MLC1: variants seen among roughly 807,000 people sequenced by gnomAD.
MLC1 encodes modulator of VRAC current 1, also known as membrane protein MLC1.
MLC1 carries 32 observed loss-of-function variants against 44.7 expected under a neutral mutation model. That is an observed-to-expected ratio of 0.72 (90% CI 0.54 to 0.96). The LOEUF (loss-of-function observed/expected upper bound fraction) is 0.96. Ranked by LOEUF, MLC1 falls within the 40% of genes least tolerant of loss-of-function variation. MLC1 has a pLI of 0.00. For synonymous variants in MLC1, 190 were observed against 213.0 expected (o/e 0.89, Z 0.94); for missense variants, 459 against 492.2 (o/e 0.93, Z 0.64).
chr22:50,061,128 G>A lies in MLC1; in HGVS notation c.*455C>T, dbSNP rs543021038. The A allele has an allele frequency of 1.6e-4, 38 of 232,494 alleles. No individual in the cohort carries two copies. In the South Asian group the frequency reaches 2.2e-3, roughly 13 times the overall value. 14.4% of individuals were successfully genotyped at this position (232,494 alleles called of 1,614,324 possible). On this transcript the variant is annotated 3_prime_UTR_variant, in exon 12 of 12. Transcript: ENST00000311597. ...TGGGTAAGATCCCACTGGGCTGACT[G>A]AGTACCCGGGACAGACCCTAAGCGT...
intron 5 of MLC1, 46 bp downstream of exon 5, chr22:50,079,871 TG>T: frequency 7.6e-7 from 1 of 1,309,816 alleles, no homozygotes; most frequent in Non-Finnish European, 1.1e-6. Context: ...TTCGTGGGAG[TG>T]GGGCTGTGGG....
intron 9 of MLC1, among the ~76,000 whole-genome samples, chr22:50,069,667 A>G (rs2061802051): frequency 6.6e-6 from 1 of 151,962 alleles, no homozygotes. Context: ...ACCAAGAAAC[A>G]AAAAACATTT....
chr22:50,068,309 G>A, intron 10 of MLC1, 124 bp downstream of exon 10: 9 of 1,389,108 alleles, frequency 6.5e-6, no homozygotes, highest in Non-Finnish European at 9.0e-6. Context: ...AACAGCGGAG[G>A]AGGTGCCTCC....
chr22:50,068,725 C>CTTTTT (rs765426637), intron 9 of MLC1, among the ~76,000 whole-genome samples, 170 bp from the exon 10 acceptor site: 37 of 105,244 alleles, frequency 3.5e-4, no homozygotes, highest in South Asian at 6.9e-4. Flanking sequence ...TTTTCTTTTT[C>CTTTTT]TTTTTTTTTT....
intron 1 of MLC1, 79 bp downstream of exon 1, chr22:50,085,276 T>G: frequency 9.5e-7 from 1 of 1,056,558 alleles, no homozygotes; most frequent in Non-Finnish European, 1.2e-6. Flanking sequence ...CTCAAGCACG[T>G]TAAACTGCTC....
At chr22:50,067,306 C>A (rs1407827170) in intron 10 of MLC1, among the ~76,000 whole-genome samples, 2 of 151,086 alleles carry the variant, frequency 1.3e-5, no homozygotes, top group Non-Finnish European at 3.0e-5. Context: ...GACAGTGACT[C>A]CATCCCCCAT....
intron 10 of MLC1, among the ~76,000 whole-genome samples, chr22:50,066,478 A>G (rs5771346): frequency 0.12 from 18,601 of 152,232 alleles, 1,273 homozygotes; most frequent in South Asian, 0.23. Flanking sequence ...TGGCCAACAT[A>G]GTGAAACCCT....
intron 5 of MLC1, 25 bp downstream of exon 5, chr22:50,079,893 C>A: frequency 6.5e-7 from 1 of 1,539,628 alleles, no homozygotes; most frequent in South Asian, 1.1e-5. Flanking sequence ...TGTCAGGCGT[C>A]TGCGCGAAGC....
At chr22:50,085,189 A>G in intron 1 of MLC1, 166 bp downstream of exon 1, 1 of 1,301,810 alleles carries the variant, frequency 7.7e-7, no homozygotes, top group Non-Finnish European at 9.8e-7. Flanking sequence ...TGCCTCATTG[A>G]TCCATCTGGG....
intron 8 of MLC1, 75 bp downstream of exon 8, chr22:50,074,141 G>T: frequency 7.9e-7 from 1 of 1,271,998 alleles, no homozygotes; most frequent in Non-Finnish European, 1.1e-6. Context: ...CCAAGACTGA[G>T]CTCGGGGCCC....
In MLC1 at chr22:50,061,634, C is replaced by T; in HGVS notation, c.1083G>A (p.Glu361=). 1.9e-6 allele frequency: 3 copies of T among 1,613,796 alleles called. No homozygotes were observed. Among genetic ancestry groups the T allele is most frequent in the Non-Finnish European group, 2.5e-6 (3 of 1,180,012 alleles). ...CTCTCCAGGCTTTCTCCTTGTCGAA[C>T]TCCTTCAGGGGGCTCCTGGCCACCT... The part of the protein sequence containing the change: ...AGEVARSPLK[E]FDKEKAWRAV... Residue 361 remains glutamate (E), a synonymous_variant, in exon 12 of 12, where the codon GAG becomes GAA. Coordinates refer to ENST00000311597, the MANE Select transcript of MLC1 (RefSeq NM_015166.4).
intron 1 of MLC1, 117 bp downstream of exon 1, chr22:50,085,238 T>A: frequency 1.6e-6 from 2 of 1,227,490 alleles, no homozygotes; most frequent in Non-Finnish European, 2.1e-6. Context: ...CATCGGCAAC[T>A]TCGTCCATGA....
At chr22:50,077,950 T>C (rs1361382804) in intron 5 of MLC1, among the ~76,000 whole-genome samples, 1 of 151,994 alleles carries the variant, frequency 6.6e-6, no homozygotes, top group Admixed American at 6.6e-5. Flanking sequence ...TTAATATTCA[T>C]AGAAGCATAC....
At chr22:50,062,588 G>A (rs565384839) in intron 11 of MLC1, among the ~76,000 whole-genome samples, 1 of 152,388 alleles carries the variant, frequency 6.6e-6, no homozygotes, top group African/African-American at 2.4e-5. Context: ...AAGGGCAAGA[G>A]AGCGTCCTCC....
rs1416943644 is a variant in MLC1, at chr22:50,083,199, G to C, written c.178-26C>G. ...CTGCAAGACAGCGACAGAATCCCAGGTTACAACGCGCCCCGTCCCCAGGCT... is the reference window on the plus strand; with the variant it reads ...CTGCAAGACAGCGACAGAATCCCAGCTTACAACGCGCCCCGTCCCCAGGCT... On this transcript the variant is annotated intron_variant, in intron 2 of 11. Coordinates refer to ENST00000311597, the MANE Select transcript of MLC1 (RefSeq NM_015166.4). This position sits in a 1 kb window ranked among gnomAD's most constrained non-coding sequence, Gnocchi z 4.6. 1 of 1,598,306 alleles carries C rather than the reference G, an allele frequency of 6.3e-7. No homozygotes were observed. The highest frequency in any genetic ancestry group is 1.1e-5 in the South Asian group (1 of 90,764).
intron 11 of MLC1, among the ~76,000 whole-genome samples, chr22:50,061,875 A>G (rs1814808854): frequency 6.6e-6 from 1 of 152,126 alleles, no homozygotes; most frequent in Non-Finnish European, 1.5e-5. Flanking sequence ...CCCCGCACAC[A>G]CGGTTTCTAC....
intron 7 of MLC1, among the ~76,000 whole-genome samples, chr22:50,075,707 C>CA (rs1159787703): frequency 2.4e-4 from 32 of 134,504 alleles, no homozygotes; most frequent in Admixed American, 3.1e-4. Flanking sequence ...GACTCCATCT[C>CA]AAAAAAAAAG....
chr22:50,061,766 C>T (rs962782863), intron 11 of MLC1, 109 bp from the exon 12 acceptor site: 2 of 1,027,474 alleles, frequency 1.9e-6, no homozygotes, highest in Non-Finnish European at 3.0e-6. Context: ...CAGAAGTTTT[C>T]TTCGAATGTG....
At chr22:50,072,104 A>T (rs730215) in intron 8 of MLC1, among the ~76,000 whole-genome samples, 20,810 of 152,258 alleles carry the variant, frequency 0.14, 1,559 homozygotes, top group Admixed American at 0.2. Context: ...TCTAGCTGTA[A>T]GCAGCAGTGA....
Sources: allele counts gnomAD v4.1 joint callset (sites outside exome capture counted in the v4.1 genomes callset), GRCh38; gene constraint gnomAD v4.1.1; non-coding constraint Gnocchi (gnomAD v3.1); transcripts MANE v1.5; gene names NCBI Gene and HGNC (gene_info 2026-07-23, HGNC 2026-07-21).